ATP8B4: variants seen among roughly 807,000 people sequenced by gnomAD.
ATP8B4 encodes the protein probable phospholipid-transporting ATPase IM.
In ATP8B4, 133 loss-of-function variants were observed where a neutral mutation model predicts 145.6. The ratio of observed to expected loss-of-function variants is 0.91; its 90% confidence interval spans 0.79 to 1.05. ATP8B4 has a LOEUF of 1.05. ATP8B4 is among the 50% of genes least tolerant of loss of function. The probability of loss-of-function intolerance (pLI) is 0.00; values close to 1 mark genes in which losing one functional copy is unlikely to be tolerated. For synonymous variants in ATP8B4, 507 were observed against 492.9 expected, an observed-to-expected ratio of 1.03 and a Z score of -0.38; for missense variants, 1,458 against 1,425.2, an observed-to-expected ratio of 1.02 and a Z score of -0.37.
At position 50,134,917 on chromosome 15, in the gene ATP8B4, G is replaced by A. The variant is rs547145224; in HGVS notation, c.-42-27909C>T. 2.9e-4 allele frequency among the ~76,000 whole-genome samples: 43 copies of A among 149,590 alleles called. No individual in the cohort carries two copies. In the Admixed American group the frequency reaches 2.9e-3, roughly 10 times the overall value. The stretch of plus-strand genomic sequence containing the variant: ...TCAGCTAGCTCATCACAAAGCAGAA[G>A]TAGAGAACATTTCAAGCTCAACAGT... On this transcript the variant is annotated intron_variant, in intron 1 of 3. Transcript: ENST00000558829.
At chr15:50,062,118 A>T (rs182841230) in intron 3 of ATP8B4, among the ~76,000 whole-genome samples, 1 of 152,196 alleles carries the variant, frequency 6.6e-6, no homozygotes, top group African/African-American at 2.4e-5. Context: ...AATACGTGTG[A>T]TATAGTTTGG....
intron 1 of ATP8B4, among the ~76,000 whole-genome samples, chr15:50,171,541 A>C (rs1479399227): frequency 6.6e-6 from 1 of 152,196 alleles, no homozygotes; most frequent in Non-Finnish European, 1.5e-5. Context: ...AAAACCTCTG[A>C]GATTCAGCAA....
chr15:49,901,043 A>AT, intron 21 of ATP8B4, 49 bp downstream of exon 21: 1 of 1,587,256 alleles, frequency 6.3e-7, no homozygotes, highest in East Asian at 2.2e-5. Flanking sequence ...AAAAGAGATG[A>AT]TTATTGCAGT....
At chr15:50,145,324 T>C (rs534144507) in intron 1 of ATP8B4, among the ~76,000 whole-genome samples, 11 of 152,380 alleles carry the variant, frequency 7.2e-5, no homozygotes, top group African/African-American at 2.6e-4. Flanking sequence ...TGAGAGGCTA[T>C]CAAATCACAG....
chr15:50,118,607 A>C (rs182661133), intron 1 of ATP8B4, among the ~76,000 whole-genome samples: 6 of 152,338 alleles, frequency 3.9e-5, no homozygotes, highest in African/African-American at 1.2e-4. Flanking sequence ...GCCTATAAAC[A>C]AAACAACTAG....
intron 2 of ATP8B4, among the ~76,000 whole-genome samples, chr15:50,096,803 T>C (rs1350558176): frequency 6.6e-6 from 1 of 152,204 alleles, no homozygotes; most frequent in Non-Finnish European, 1.5e-5. Flanking sequence ...TCATCTCTAG[T>C]GGAACCAAAG....
chr15:50,019,315 A>G (rs996902921), intron 6 of ATP8B4, among the ~76,000 whole-genome samples: 1 of 152,158 alleles, frequency 6.6e-6, no homozygotes, highest in Non-Finnish European at 1.5e-5. Context: ...CAGGCAAGAT[A>G]TTGATTGAGA....
At chr15:50,063,577 C>T (rs928603901) in intron 3 of ATP8B4, among the ~76,000 whole-genome samples, 1 of 151,918 alleles carries the variant, frequency 6.6e-6, no homozygotes, top group Non-Finnish European at 1.5e-5. Flanking sequence ...TTGTCATTAA[C>T]AATAAAAATA....
intron 6 of ATP8B4, among the ~76,000 whole-genome samples, chr15:50,032,803 A>G (rs1344045340): frequency 2.6e-5 from 4 of 152,198 alleles, no homozygotes; most frequent in African/African-American, 9.6e-5. Context: ...AAATCTTGGC[A>G]TAGAAAAAAA....
intron 1 of ATP8B4, among the ~76,000 whole-genome samples, chr15:50,151,160 G>T (rs11070756): frequency 0.17 from 26,397 of 152,198 alleles, 2,530 homozygotes; most frequent in Middle Eastern, 0.24. Flanking sequence ...AAGAAAGTTG[G>T]ATTGGAAGGC....
At chr15:49,924,302 CAATT>C (rs1742954700) in intron 16 of ATP8B4, among the ~76,000 whole-genome samples, 1 of 152,064 alleles carries the variant, frequency 6.6e-6, no homozygotes, top group South Asian at 2.1e-4. Context: ...ACATAGTAGG[CAATT>C]AATAATTATT....
At chr15:50,115,614 T>C (rs986355420) in intron 1 of ATP8B4, among the ~76,000 whole-genome samples, 1 of 151,886 alleles carries the variant, frequency 6.6e-6, no homozygotes, top group African/African-American at 2.4e-5. Flanking sequence ...GTGATAGTCA[T>C]GGCAAGCAGA....
At chr15:49,891,611 C>A (rs1172608139) in intron 23 of ATP8B4, among the ~76,000 whole-genome samples, 1 of 152,116 alleles carries the variant, frequency 6.6e-6, no homozygotes, top group Non-Finnish European at 1.5e-5. Context: ...CAGGTGCGAG[C>A]CACTGCACCC....
chr15:49,898,391 T>C (rs1458924066), intron 21 of ATP8B4, 140 bp from the exon 22 acceptor site: 6 of 926,186 alleles, frequency 6.5e-6, no homozygotes, highest in Non-Finnish European at 9.4e-6. Flanking sequence ...TCATTGTTGA[T>C]TCAGAATCAC....
chr15:50,101,532 G>C (rs980809204), intron 2 of ATP8B4, among the ~76,000 whole-genome samples: 1 of 152,040 alleles, frequency 6.6e-6, no homozygotes, highest in Non-Finnish European at 1.5e-5. Context: ...TAGTCCAAAA[G>C]GAGATTATCA....
chr15:49,931,831 C>G (rs377155978), intron 15 of ATP8B4, among the ~76,000 whole-genome samples: 36 of 151,966 alleles, frequency 2.4e-4, no homozygotes, highest in East Asian at 7.8e-4. Flanking sequence ...CAGTCTGCCA[C>G]TAATGACCAT....
chr15:49,861,859 T>C (rs2031881274), intron 27 of ATP8B4, among the ~76,000 whole-genome samples: 1 of 152,228 alleles, frequency 6.6e-6, no homozygotes. Context: ...CTTTGACTCA[T>C]ACCATGCTTG....
At chr15:50,090,114 A>G (rs1339253293) in intron 2 of ATP8B4, among the ~76,000 whole-genome samples, 1 of 152,190 alleles carries the variant, frequency 6.6e-6, no homozygotes, top group Non-Finnish European at 1.5e-5. Flanking sequence ...AAACAGGAAC[A>G]AAGAACCAAA....
At chr15:49,927,371 C>G (rs1365468064) in intron 16 of ATP8B4, among the ~76,000 whole-genome samples, 1 of 151,984 alleles carries the variant, frequency 6.6e-6, no homozygotes, top group Non-Finnish European at 1.5e-5. Flanking sequence ...AATGCCTGAG[C>G]CTTTGCATCA....
Sources: allele counts gnomAD v4.1 joint callset (sites outside exome capture counted in the v4.1 genomes callset), GRCh38; gene constraint gnomAD v4.1.1; transcripts MANE v1.5; gene names NCBI Gene and HGNC (gene_info 2026-07-23, HGNC 2026-07-21).